Variants in ADAM22 observed in about 807,000 individuals in gnomAD.
ADAM22 encodes the protein ADAM metallopeptidase domain 22, also known as disintegrin and metalloproteinase domain-containing protein 22.
ADAM22 carries 65 observed loss-of-function variants against 144.6 expected under a neutral mutation model. The observed-to-expected ratio is 0.45, with a 90% CI of 0.37 to 0.55. The LOEUF is 0.55. Among genes scored for constraint, ADAM22 ranks in the 20% least tolerant of loss-of-function variants. The probability of loss-of-function intolerance (pLI) is 0.00; values close to 1 mark genes in which losing one functional copy is unlikely to be tolerated. For synonymous variants in ADAM22, 391 were observed against 412.6 expected, an observed-to-expected ratio of 0.95 and a Z score of 0.63; for missense variants, 974 against 1,184.9, an observed-to-expected ratio of 0.82 and a Z score of 2.61.
rs747199841 is a variant in ADAM22, at chr7:88,155,928, A to G, written c.1829A>G (p.Asn610Ser). 6.2e-7 allele frequency: 1 copy of G among 1,613,408 alleles called. No individual in the cohort carries two copies. The highest frequency in any genetic ancestry group is 8.5e-7 in the Non-Finnish European group (1 of 1,179,580). Residue 610 changes from asparagine (N) to serine (S), a missense_variant, in exon 22 of 32, where the codon AAT (asparagine) becomes AGT (serine). Physicochemically the swap from Asn to Ser is conservative, Grantham distance 46. Transcript: ENST00000413139. ...TACCTTTTGTGTACCAATATTGGCAATATCCCAAGGCTTGGAGAACTCGAT... is the reference window on the plus strand; with the variant it reads ...TACCTTTTGTGTACCAATATTGGCAGTATCCCAAGGCTTGGAGAACTCGAT... ...CGYLLCTNIG[N>S]IPRLGELDGE... is the part of the protein sequence containing the mutation.
chr7:88,039,277 A>G (rs1207561732), intron 3 of ADAM22, among the ~76,000 whole-genome samples: 2 of 150,532 alleles, frequency 1.3e-5, no homozygotes. Context: ...CCCCATCTCT[A>G]CTAAAAATAC....
chr7:87,950,245 G>A (rs1289983641), intron 2 of ADAM22, among the ~76,000 whole-genome samples: 4 of 150,194 alleles, frequency 2.7e-5, no homozygotes, highest in Non-Finnish European at 3.0e-5. Flanking sequence ...CCATTAACAC[G>A]TCATTTAGCA....
chr7:88,131,088 T>C (rs1831655629), intron 10 of ADAM22, among the ~76,000 whole-genome samples, 181 bp from the exon 11 acceptor site: 2 of 152,242 alleles, frequency 1.3e-5, no homozygotes, highest in African/African-American at 4.8e-5. Context: ...CTCTGTTCTT[T>C]GGGTATTGGT....
At chr7:88,150,208 G>A (rs1417567413) in intron 18 of ADAM22, among the ~76,000 whole-genome samples, 1 of 152,046 alleles carries the variant, frequency 6.6e-6, no homozygotes, top group African/African-American at 2.4e-5. Flanking sequence ...ATTTTTTTCT[G>A]TAACTCCATT....
chr7:88,154,284 TCAA>T (rs1162884819), intron 21 of ADAM22, among the ~76,000 whole-genome samples: 1 of 152,202 alleles, frequency 6.6e-6, no homozygotes, highest in Admixed American at 6.6e-5. Flanking sequence ...CTGCACCTAT[TCAA>T]CAATTGTCCC....
At chr7:88,142,251 T>C (rs2129520156) in intron 14 of ADAM22, among the ~76,000 whole-genome samples, 1 of 152,302 alleles carries the variant, frequency 6.6e-6, no homozygotes, top group Admixed American at 6.5e-5. Context: ...TTGTCCCAGG[T>C]TTCAATACTG....
chr7:88,090,147 C>T (rs1819479301), intron 4 of ADAM22: 1 of 152,122 alleles, frequency 6.6e-6, no homozygotes, highest in Non-Finnish European at 1.5e-5. Context: ...ATGTGACTAC[C>T]TGTATGTTAA....
At chr7:88,159,241 T>G (rs1457547746) in intron 22 of ADAM22, among the ~76,000 whole-genome samples, 1 of 151,126 alleles carries the variant, frequency 6.6e-6, no homozygotes, top group Non-Finnish European at 1.5e-5. Context: ...AATAACAAGC[T>G]CCAAAATTGA....
intron 2 of ADAM22, among the ~76,000 whole-genome samples, chr7:87,960,375 G>A (rs1026949360): frequency 6.7e-6 from 1 of 149,282 alleles, no homozygotes; most frequent in Admixed American, 6.7e-5. Flanking sequence ...GTGGTAGTGG[G>A]GTGTGTGTGT....
At chr7:87,999,455 ATG>A (rs1347115902) in intron 3 of ADAM22, among the ~76,000 whole-genome samples, 1 of 152,216 alleles carries the variant, frequency 6.6e-6, no homozygotes, top group Non-Finnish European at 1.5e-5. Context: ...GCTAGTTAGC[ATG>A]TGGAACTGGA....
chr7:88,080,149 C>T (rs1337807488), intron 4 of ADAM22, among the ~76,000 whole-genome samples: 5 of 152,082 alleles, frequency 3.3e-5, no homozygotes, highest in Admixed American at 6.5e-5. Flanking sequence ...AAACTGTCTC[C>T]CAGACCACAG....
intron 3 of ADAM22, among the ~76,000 whole-genome samples, chr7:88,021,972 A>C (rs1174067395): frequency 6.6e-6 from 1 of 152,048 alleles, no homozygotes; most frequent in Non-Finnish European, 1.5e-5. Flanking sequence ...TCCAGGGCTC[A>C]AGTGATCCTC....
At chr7:87,959,737 A>T (rs899472217) in intron 2 of ADAM22, among the ~76,000 whole-genome samples, 1 of 152,134 alleles carries the variant, frequency 6.6e-6, no homozygotes, top group Non-Finnish European at 1.5e-5. Context: ...CATTTATTAT[A>T]AAAAAAGTTG....
intron 24 of ADAM22, among the ~76,000 whole-genome samples, chr7:88,167,623 C>A (rs1219366732): frequency 1.3e-5 from 2 of 152,152 alleles, no homozygotes; most frequent in African/African-American, 4.8e-5. Flanking sequence ...GTTTCTATCA[C>A]CTACATCACC....
chr7:88,099,297 A>G (rs1007886784), intron 4 of ADAM22, among the ~76,000 whole-genome samples: 3 of 152,216 alleles, frequency 2.0e-5, no homozygotes, highest in Non-Finnish European at 4.4e-5. Flanking sequence ...TCAGAGACGA[A>G]GGACTTCATT....
At chr7:87,952,440 G>A (rs1373269338) in intron 2 of ADAM22, among the ~76,000 whole-genome samples, 2 of 152,118 alleles carry the variant, frequency 1.3e-5, no homozygotes, top group African/African-American at 4.8e-5. Context: ...ATGCTGGATT[G>A]TATTTATTGA....
At chr7:88,101,001 G>A (rs1822759378) in intron 4 of ADAM22, among the ~76,000 whole-genome samples, 1 of 150,502 alleles carries the variant, frequency 6.6e-6, no homozygotes, top group African/African-American at 2.4e-5. Flanking sequence ...CCCTTGGGGG[G>A]AATCTAGGAT....
chr7:88,090,149 G>A (rs1002541463), intron 4 of ADAM22: 1 of 152,186 alleles, frequency 6.6e-6, no homozygotes, highest in Non-Finnish European at 1.5e-5. Context: ...GTGACTACCT[G>A]TATGTTAAAA....
At chr7:88,140,926 T>C (rs1274384154) in intron 14 of ADAM22, among the ~76,000 whole-genome samples, 1 of 152,160 alleles carries the variant, frequency 6.6e-6, no homozygotes, top group African/African-American at 2.4e-5. Flanking sequence ...GACGAGTGTC[T>C]TCCTGAGGGA....
Sources: allele counts gnomAD v4.1 joint callset (sites outside exome capture counted in the v4.1 genomes callset), GRCh38; gene constraint gnomAD v4.1.1; transcripts MANE v1.5; gene names NCBI Gene and HGNC (gene_info 2026-07-23, HGNC 2026-07-21).